Variants in GAS7 observed in about 807,000 individuals in gnomAD.
The protein encoded by GAS7 is growth arrest specific 7.
A neutral mutation model predicts 71.1 loss-of-function variants in GAS7; 28 were observed. The ratio of observed to expected loss-of-function variants is 0.39; its 90% CI spans 0.29 to 0.54. The LOEUF is 0.54. Among genes scored for constraint, GAS7 ranks in the 20% least tolerant of loss-of-function variants. The pLI, the probability that GAS7 is intolerant of heterozygous loss-of-function variation, is 0.62. For synonymous variants in GAS7, 258 were observed against 245.8 expected (o/e 1.05, Z -0.46); for missense variants, 436 against 627.8 (o/e 0.69, Z 3.27).
chr17:9,923,535 CAAT>C (rs2067894928), intron 11 of GAS7, among the ~76,000 whole-genome samples: 1 of 152,152 alleles, frequency 6.6e-6, no homozygotes, highest in Non-Finnish European at 1.5e-5. Context: ...GAAAGTACAA[CAAT>C]GATTTATATG....
At chr17:10,080,730 T>C (rs1597780194) in intron 1 of GAS7, among the ~76,000 whole-genome samples, 3 of 152,242 alleles carry the variant, frequency 2.0e-5, no homozygotes, top group Non-Finnish European at 2.9e-5. Flanking sequence ...TAGTTGTTCA[T>C]AGAACTCAAG....
chr17:10,180,172 C>G (rs1000608183), intron 1 of GAS7, among the ~76,000 whole-genome samples: 1 of 151,950 alleles, frequency 6.6e-6, no homozygotes, highest in Non-Finnish European at 1.5e-5. Flanking sequence ...GAAACCCCAT[C>G]TCTATTAAAA....
At chr17:10,150,385 CTCTT>C (rs1339975680) in intron 1 of GAS7, among the ~76,000 whole-genome samples, 4 of 136,504 alleles carry the variant, frequency 2.9e-5, no homozygotes, top group South Asian at 2.6e-4. Context: ...TCCTTTTCTT[CTCTT>C]TCTTTCTTTC....
chr17:10,056,879 C>A (rs891675367), intron 1 of GAS7, among the ~76,000 whole-genome samples: 2 of 152,166 alleles, frequency 1.3e-5, no homozygotes, highest in Non-Finnish European at 2.9e-5. Context: ...CGACTCACTG[C>A]AACCTCCCTG....
chr17:10,025,536 G>A (rs1324573196), intron 1 of GAS7, among the ~76,000 whole-genome samples: 1 of 150,216 alleles, frequency 6.7e-6, no homozygotes, highest in Non-Finnish European at 1.5e-5. Context: ...AAAAAACAAC[G>A]CAACCCCCAA....
chr17:9,951,760 CAAAA>C (rs59048492), intron 5 of GAS7, among the ~76,000 whole-genome samples: 19 of 69,012 alleles, frequency 2.8e-4, no homozygotes, highest in African/African-American at 7.4e-4. Context: ...AACTCTGTCT[CAAAA>C]AAAAAAAAAA....
intron 7 of GAS7, among the ~76,000 whole-genome samples, chr17:9,942,352 G>A (rs2068633481): frequency 6.6e-6 from 1 of 151,134 alleles, no homozygotes; most frequent in Non-Finnish European, 1.5e-5. Context: ...TGTGCACATG[G>A]GTGATAGGTG....
intron 2 of GAS7, among the ~76,000 whole-genome samples, chr17:10,003,548 C>T (rs995272937): frequency 1.3e-5 from 2 of 152,188 alleles, no homozygotes; most frequent in African/African-American, 4.8e-5. Context: ...TCTGGCAGAC[C>T]ACTCAATAAA....
intron 1 of GAS7, among the ~76,000 whole-genome samples, chr17:10,069,994 C>A (rs2073322992): frequency 6.6e-6 from 1 of 152,192 alleles, no homozygotes. Flanking sequence ...AAGGAGAGAA[C>A]TGCAAAAGGA....
At position 10,019,758 on chromosome 17, in the gene GAS7, T is replaced by C; in HGVS notation, c.304+19A>G. On this transcript the variant is annotated intron_variant, in intron 2 of 13. Transcript: ENST00000432992. ...ATGCCAGGGGGTTGGTGCAGGATTCTCCCCCGAGCGGGACTCACCATTGGT... is the reference window on the plus strand; with the variant it reads ...ATGCCAGGGGGTTGGTGCAGGATTCCCCCCCGAGCGGGACTCACCATTGGT... 6.2e-7 allele frequency: 1 copy of C among 1,606,924 alleles called. No homozygotes were observed. The highest frequency in any genetic ancestry group is 8.5e-7 in the Non-Finnish European group (1 of 1,175,668).
At chr17:10,149,317 G>T (rs891278067) in intron 1 of GAS7, among the ~76,000 whole-genome samples, 13 of 152,200 alleles carry the variant, frequency 8.5e-5, no homozygotes, top group South Asian at 4.2e-4. Context: ...TAGCCAGGCT[G>T]GTCCCAAACT....
rs1436579165 is a variant in GAS7 at position 9,919,133 on chromosome 17, A to C, written c.1218+493T>G. On this transcript the variant is annotated intron_variant, in intron 12 of 13. Coordinates refer to ENST00000432992, the MANE Select transcript of GAS7 (RefSeq NM_201433.2). The surrounding 1 kb of genome is among the most constrained non-coding windows in gnomAD (Gnocchi z 5.0). ...TGCTGCCCCTTTACAAGAAATACTC[A>C]AGAGCATCATCGGCCCTGCCGCCTG... Among the ~76,000 whole-genome samples, 5 of 152,070 alleles carry C rather than the reference A, an allele frequency of 3.3e-5. No individual in the cohort carries two copies. Among genetic ancestry groups the C allele is most frequent in the Non-Finnish European group, 7.4e-5 (5 of 67,998 alleles).
chr17:10,056,777 C>T (rs2073143885), intron 1 of GAS7, among the ~76,000 whole-genome samples: 1 of 150,774 alleles, frequency 6.6e-6, no homozygotes, highest in African/African-American at 2.5e-5. Flanking sequence ...CCACGATCTC[C>T]CTCTCCCTCT....
At chr17:10,115,895 G>T (rs968116650) in intron 1 of GAS7, among the ~76,000 whole-genome samples, 3 of 152,130 alleles carry the variant, frequency 2.0e-5, no homozygotes, top group Non-Finnish European at 2.9e-5. Context: ...CCTGGGGGTG[G>T]CAGTGGAGAG....
intron 5 of GAS7, among the ~76,000 whole-genome samples, chr17:9,956,575 C>G (rs909949438): frequency 6.6e-6 from 1 of 152,188 alleles, no homozygotes; most frequent in Non-Finnish European, 1.5e-5. Flanking sequence ...GCACACTCCA[C>G]CTGCCAGCCC....
intron 1 of GAS7, among the ~76,000 whole-genome samples, chr17:10,130,777 A>G (rs1308090269): frequency 6.6e-6 from 1 of 152,234 alleles, no homozygotes; most frequent in Non-Finnish European, 1.5e-5. Flanking sequence ...ATATTGTTCT[A>G]TTTATAAGCA....
chr17:10,022,102 T>C (rs1320991869), intron 1 of GAS7, among the ~76,000 whole-genome samples: 2 of 152,034 alleles, frequency 1.3e-5, no homozygotes, highest in Non-Finnish European at 2.9e-5. Context: ...CAAATAATTT[T>C]TAAAATTAGC....
chr17:9,922,669 TA>T (rs376853810), intron 11 of GAS7, among the ~76,000 whole-genome samples: 241 of 151,296 alleles, frequency 1.6e-3, no homozygotes, highest in African/African-American at 5.5e-3. Context: ...TAAAACTATG[TA>T]AAAAAAAATA....
intron 1 of GAS7, among the ~76,000 whole-genome samples, chr17:10,170,953 G>C (rs1025141052): frequency 2.0e-5 from 3 of 152,172 alleles, no homozygotes; most frequent in African/African-American, 7.2e-5. Flanking sequence ...ACTTTCTGTG[G>C]CTGAGCCAGC....
Sources: gnomAD v4.1 joint callset for allele counts (sites outside exome capture counted in the v4.1 genomes callset) on GRCh38, gnomAD v4.1.1 for gene constraint, Gnocchi (gnomAD v3.1) non-coding constraint, MANE v1.5 for transcripts, NCBI Gene and HGNC (gene_info 2026-07-23, HGNC 2026-07-21) for gene names.